Variants in SEMA6D observed in about 807,000 individuals in gnomAD.
The protein encoded by SEMA6D is semaphorin-6D.
In SEMA6D, 35 loss-of-function variants were observed where a neutral mutation model predicts 106.6. That is an observed-to-expected ratio of 0.33 (90% CI 0.25 to 0.44). The LOEUF is 0.44. Ranked by LOEUF, SEMA6D falls within the 20% of genes least tolerant of loss-of-function variation. The probability of loss-of-function intolerance (pLI) is 1.00; values close to 1 mark genes in which losing one functional copy is unlikely to be tolerated. For synonymous variants in SEMA6D, 499 were observed against 487.7 expected, an observed-to-expected ratio of 1.02 and a Z score of -0.31; for missense variants, 1,185 against 1,345.9, an observed-to-expected ratio of 0.88 and a Z score of 1.87.
intron 3 of SEMA6D, among the ~76,000 whole-genome samples, chr15:47,571,105 G>T (rs182656271): frequency 6.6e-6 from 1 of 152,198 alleles, no homozygotes; most frequent in Non-Finnish European, 1.5e-5. Context: ...CTGCCTGCAA[G>T]CTGTGTCTCA....
upstream of SEMA6D, among the ~76,000 whole-genome samples, chr15:47,712,958 G>C (rs1226810786): frequency 1.3e-5 from 2 of 152,028 alleles, no homozygotes; most frequent in Admixed American, 6.6e-5. Context: ...AGTTCGTTTT[G>C]CTTCTGTTTG....
At chr15:47,272,035 C>T (rs1273395182) in intron 1 of SEMA6D, among the ~76,000 whole-genome samples, 2 of 152,142 alleles carry the variant, frequency 1.3e-5, no homozygotes, top group East Asian at 3.9e-4. Context: ...GCTCACAAGC[C>T]TTCTTCAGAT....
intron 3 of SEMA6D, among the ~76,000 whole-genome samples, chr15:47,591,022 C>A (rs185839568): frequency 2.0e-5 from 3 of 152,276 alleles, no homozygotes; most frequent in Admixed American, 1.3e-4. Flanking sequence ...AACAAAATCC[C>A]TTAGGCCAGG....
At chr15:47,718,869 G>A (rs972037463) in intron 1 of SEMA6D, 9 of 152,248 alleles carry the variant, frequency 5.9e-5, no homozygotes, top group Admixed American at 5.2e-4. Context: ...ATGGTGAGGA[G>A]GAAGGTAGGG....
At chr15:47,734,797 G>A (rs1023362110) in intron 1 of SEMA6D, among the ~76,000 whole-genome samples, 6 of 152,128 alleles carry the variant, frequency 3.9e-5, no homozygotes, top group Non-Finnish European at 7.4e-5. Context: ...TAGAAATTAG[G>A]GGATTATGGG....
rs750228006 is a variant in SEMA6D at position 47,771,458 on chromosome 15, C to T, written c.2895C>T (p.His965=). 5.8e-5 allele frequency: 94 copies of T among 1,613,980 alleles called. No individual in the cohort carries two copies. Among genetic ancestry groups the T allele is most frequent in the Non-Finnish European group, 7.3e-5 (86 of 1,180,002 alleles). ...MTSLERQRGY[H]KNSSQRHSIS... ...CTCTGGAAAGACAAAGAGGTTATCACAAAAATTCCTCCCAGAGGCACTCTA... is the reference window on the plus strand; with the variant it reads ...CTCTGGAAAGACAAAGAGGTTATCATAAAAATTCCTCCCAGAGGCACTCTA... Residue 965 remains histidine, a synonymous_variant, in exon 19 of 19, where the codon CAC becomes CAT. Coordinates refer to ENST00000536845, the MANE Select transcript of SEMA6D (RefSeq NM_001358351.3).
chr15:47,549,854 C>T (rs1383954742), intron 3 of SEMA6D, among the ~76,000 whole-genome samples: 1 of 152,072 alleles, frequency 6.6e-6, no homozygotes, highest in Non-Finnish European at 1.5e-5. Flanking sequence ...TCACTACAGC[C>T]CTAAGCAAGT....
intron 1 of SEMA6D, among the ~76,000 whole-genome samples, chr15:47,371,800 C>G (rs1035771797): frequency 1.3e-5 from 2 of 152,130 alleles, no homozygotes; most frequent in East Asian, 3.9e-4. Flanking sequence ...TGATGATGAT[C>G]ATCATAGAAA....
chr15:47,562,475 A>G (rs1342582287), intron 3 of SEMA6D, among the ~76,000 whole-genome samples: 1 of 152,028 alleles, frequency 6.6e-6, no homozygotes, highest in Admixed American at 6.6e-5. Context: ...TGCATTTCAA[A>G]CAATAGCTTT....
intron 1 of SEMA6D, among the ~76,000 whole-genome samples, chr15:47,384,813 AGT>A (rs2039760667): frequency 1.2e-5 from 1 of 86,470 alleles, no homozygotes; most frequent in South Asian, 3.8e-4. Flanking sequence ...TGATTACTAA[AGT>A]TTTTTTTTTT....
Position 47,506,595 on chromosome 15 carries a change from CACAA to C in SEMA6D, c.-87+36054_-87+36057del, listed in dbSNP as rs1197026047. Among the ~76,000 whole-genome samples the C allele has an allele frequency of 7.4e-4, 105 of 142,020 alleles. 1 individual carries two copies. Among genetic ancestry groups the C allele is most frequent in the Admixed American group, 1.2e-3 (16 of 13,864 alleles). The allele number at this position is 142,020 out of a possible 152,430, so 93.2% of individuals were successfully genotyped here. ...CTAACTACATGGGCATTTACACACA[CACAA>C]ACACACACACACACACACACACACA... On this transcript the variant is annotated intron_variant, in intron 3 of 19. Coordinates refer to the SEMA6D transcript ENST00000558014.
intron 1 of SEMA6D, among the ~76,000 whole-genome samples, chr15:47,315,113 G>A (rs2036611900): frequency 6.6e-6 from 1 of 151,848 alleles, no homozygotes; most frequent in Non-Finnish European, 1.5e-5. Context: ...TGATCCGCCT[G>A]CCTCGGCCTC....
At chr15:47,507,354 C>T (rs140311237) in intron 3 of SEMA6D, among the ~76,000 whole-genome samples, 4,570 of 137,606 alleles carry the variant, frequency 0.033, 85 homozygotes, top group Middle Eastern at 0.061. Context: ...CCCCCACCCC[C>T]CCGGGCCTTA....
intron 1 of SEMA6D, among the ~76,000 whole-genome samples, chr15:47,719,816 G>C (rs753226720): frequency 1.3e-5 from 2 of 152,164 alleles, no homozygotes; most frequent in Non-Finnish European, 2.9e-5. Flanking sequence ...TACTCTCTTA[G>C]GTGTCTAACT....
intron 1 of SEMA6D, among the ~76,000 whole-genome samples, chr15:47,188,527 AT>A (rs1472552565): frequency 6.6e-6 from 1 of 152,080 alleles, no homozygotes; most frequent in Non-Finnish European, 1.5e-5. Flanking sequence ...GGTAATGTAG[AT>A]TTCTTAACTG....
intron 4 of SEMA6D, among the ~76,000 whole-genome samples, chr15:47,621,101 C>T (rs1476233306): frequency 6.6e-6 from 1 of 152,168 alleles, no homozygotes; most frequent in Non-Finnish European, 1.5e-5. Flanking sequence ...AGAAAATAGC[C>T]TAGAACTAAC....
chr15:47,696,193 C>T (rs1301589951), intron 4 of SEMA6D, among the ~76,000 whole-genome samples: 1 of 152,118 alleles, frequency 6.6e-6, no homozygotes, highest in Non-Finnish European at 1.5e-5. Context: ...AACTCGTTTT[C>T]AATTCAAAAT....
At chr15:47,598,458 GGATATTTTCATCTGAACTGGGAAAGCA>G (rs2076579720) in intron 3 of SEMA6D, among the ~76,000 whole-genome samples, 1 of 152,024 alleles carries the variant, frequency 6.6e-6, no homozygotes, top group South Asian at 2.1e-4. Context: ...TTCTCTTTGT[GGATATTTTCATCTGAACTGGGAAAGCA>G]CAAGAATTAA....
chr15:47,510,844 C>A (rs2044206586), intron 3 of SEMA6D, among the ~76,000 whole-genome samples: 1 of 152,264 alleles, frequency 6.6e-6, no homozygotes, highest in Non-Finnish European at 1.5e-5. Flanking sequence ...CATCTGTGGA[C>A]CTCACATCTC....
Sources: allele counts gnomAD v4.1 joint callset (sites outside exome capture counted in the v4.1 genomes callset), GRCh38; gene constraint gnomAD v4.1.1; transcripts MANE v1.5; gene names NCBI Gene and HGNC (gene_info 2026-07-23, HGNC 2026-07-21).